SLC35D2: variants seen among roughly 807,000 people sequenced by gnomAD.
SLC35D2 encodes the protein solute carrier family 35 member D2, also known as nucleotide sugar transporter SLC35D2.
A neutral mutation model predicts 41.8 loss-of-function variants in SLC35D2; 43 were observed. That is an observed-to-expected ratio of 1.03 (90% CI 0.81 to 1.33). SLC35D2 has a LOEUF of 1.33. SLC35D2 is among the 40% of genes most tolerant of loss of function. The pLI is 0.00. For missense variants in SLC35D2, 380 were observed against 408.4 expected, an observed-to-expected ratio of 0.93 and a Z score of 0.60; for synonymous variants, 150 against 163.9, an observed-to-expected ratio of 0.92 and a Z score of 0.65.
intron 1 of SLC35D2, among the ~76,000 whole-genome samples, chr9:96,371,725 T>C (rs1830698299): frequency 8.8e-6 from 1 of 113,620 alleles, no homozygotes; most frequent in South Asian, 3.0e-4. Context: ...TTTCTTTTTT[T>C]TTTTTTTTTT....
At chr9:96,371,718 CTTTTTTTTTTTTT>C (rs774105070) in intron 1 of SLC35D2, among the ~76,000 whole-genome samples, 18 of 90,568 alleles carry the variant, frequency 2.0e-4, no homozygotes, top group African/African-American at 7.6e-4. Flanking sequence ...AACTAAATTT[CTTTTTTTTTTTTT>C]TTTTTTTTTT....
chr9:96,339,824 G>A (rs896639054), intron 8 of SLC35D2, among the ~76,000 whole-genome samples: 2 of 152,144 alleles, frequency 1.3e-5, no homozygotes, highest in Non-Finnish European at 2.9e-5. Flanking sequence ...TAGAATTGAG[G>A]CACTGTTAAT....
At chr9:96,332,310 C>T (rs937553938) in intron 9 of SLC35D2, among the ~76,000 whole-genome samples, 4 of 152,082 alleles carry the variant, frequency 2.6e-5, no homozygotes, top group African/African-American at 9.7e-5. Context: ...AGTCCAGCAC[C>T]AGTCCCCAAA....
At chr9:96,320,225 C>A (rs938290196), downstream of SLC35D2, among the ~76,000 whole-genome samples, 2 of 152,284 alleles carry the variant, frequency 1.3e-5, no homozygotes, top group East Asian at 3.9e-4. Flanking sequence ...TAAATGCTAA[C>A]AGGATTGGCC....
In SLC35D2 at chr9:96,321,185, G is replaced by A. The variant is rs770158380; in HGVS notation, c.*57C>T. The A allele has an allele frequency of 1.5e-6, 2 of 1,321,570 alleles. No homozygotes were observed. The highest frequency in any genetic ancestry group is 1.7e-5 in the Admixed American group (1 of 57,156). 81.9% of individuals were successfully genotyped at this position (1,321,570 alleles called of 1,614,324 possible). On this transcript the variant is annotated 3_prime_UTR_variant, in exon 12 of 12. Transcript: ENST00000253270. ...AAACCTCTGGCTTCACATTCCTACT[G>A]GGAATGCCCCCCCAGCCCGCAGTCA...
At chr9:96,337,037 G>A (rs1829078994) in intron 8 of SLC35D2, among the ~76,000 whole-genome samples, 1 of 152,158 alleles carries the variant, frequency 6.6e-6, no homozygotes. Flanking sequence ...TATAAGGACT[G>A]AAAGAAATTG....
chr9:96,323,591 A>G (rs1828357173), intron 10 of SLC35D2, among the ~76,000 whole-genome samples: 1 of 152,088 alleles, frequency 6.6e-6, no homozygotes, highest in Non-Finnish European at 1.5e-5. Context: ...TCTCCTTTAT[A>G]AATTAGCAAT....
chr9:96,334,677 C>T (rs552692129), intron 9 of SLC35D2, among the ~76,000 whole-genome samples: 1 of 152,196 alleles, frequency 6.6e-6, no homozygotes, highest in Non-Finnish European at 1.5e-5. Flanking sequence ...CTCACAATCA[C>T]AGGTCACCAA....
Position 96,353,504 on chromosome 9 carries a change from C to T in SLC35D2, c.348-1395G>A, listed in dbSNP as rs974149470. Among the ~76,000 whole-genome samples, 8 of 152,072 alleles carry T rather than the reference C, an allele frequency of 5.3e-5. No individual in the cohort carries two copies. The East Asian group carries it at 9.6e-4, about 18-fold the overall frequency. ...GGGTAGCTGGGATTACACTACCACGCCCAGCTAATTTTTGTATTTTTAGTA... is the reference window on the plus strand; with the variant it reads ...GGGTAGCTGGGATTACACTACCACGTCCAGCTAATTTTTGTATTTTTAGTA... On this transcript the variant is annotated intron_variant, in intron 4 of 11. Transcript: ENST00000253270.
At chr9:96,340,512 C>T (rs1047738726) in intron 8 of SLC35D2, among the ~76,000 whole-genome samples, 3 of 147,138 alleles carry the variant, frequency 2.0e-5, no homozygotes, top group Non-Finnish European at 4.5e-5. Context: ...TCCAGCTACT[C>T]AGGAGGCTGA....
Position 96,343,946 on chromosome 9 carries a change from G to C in SLC35D2, c.642C>G (p.Ile214Met). ...VLFYNACFMI[I>M]PTLIISVSTG... ...TGGAGACACTAATAATAAGAGTTGGGATAATCATGAAGCAGGCATTGTAGA... is the reference window on the plus strand; with the variant it reads ...TGGAGACACTAATAATAAGAGTTGGCATAATCATGAAGCAGGCATTGTAGA... Residue 214 changes from isoleucine to methionine, a missense_variant, in exon 8 of 12, where the codon ATC becomes ATG. By Grantham distance (10) the Ile-to-Met change is conservative. Coordinates refer to ENST00000253270, the MANE Select transcript of SLC35D2 (RefSeq NM_007001.3). 6.2e-7 allele frequency: 1 copy of C among 1,600,038 alleles called. No homozygotes were observed. Among genetic ancestry groups the C allele is most frequent in the African/African-American group, 1.4e-5 (1 of 74,034 alleles).
At chr9:96,382,005 C>A (rs1465909338) in intron 1 of SLC35D2, among the ~76,000 whole-genome samples, 1 of 152,142 alleles carries the variant, frequency 6.6e-6, no homozygotes, top group African/African-American at 2.4e-5. Context: ...ATGAACCTAC[C>A]TGTTTATTTT....
At chr9:96,322,196 G>A (rs1218923677) in intron 10 of SLC35D2, 116 bp from the exon 11 acceptor site, 6 of 662,790 alleles carry the variant, frequency 9.1e-6, no homozygotes, top group African/African-American at 1.8e-5. Context: ...CTTGTACATA[G>A]GGATATTCAC....
chr9:96,368,228 A>G (rs1236116008), intron 2 of SLC35D2, 44 bp downstream of exon 2: 2 of 1,478,606 alleles, frequency 1.4e-6, no homozygotes, highest in Non-Finnish European at 1.9e-6. Context: ...CATTATGAAT[A>G]CTGATAACAA....
chr9:96,359,664 G>A (rs1587702533), intron 4 of SLC35D2, among the ~76,000 whole-genome samples: 1 of 151,396 alleles, frequency 6.6e-6, no homozygotes, highest in East Asian at 1.9e-4. Flanking sequence ...TCCAACCTGG[G>A]AGACAGAGTG....
At chr9:96,325,853 ATC>A (rs1411394697) in intron 9 of SLC35D2, among the ~76,000 whole-genome samples, 1 of 152,170 alleles carries the variant, frequency 6.6e-6, no homozygotes, top group Non-Finnish European at 1.5e-5. Flanking sequence ...CTAGGCTCAA[ATC>A]TCTGGTGAAG....
intron 9 of SLC35D2, among the ~76,000 whole-genome samples, chr9:96,336,070 GAA>G (rs1829039217): frequency 6.9e-6 from 1 of 144,306 alleles, no homozygotes; most frequent in East Asian, 2.1e-4. Flanking sequence ...AAAAAAGAAA[GAA>G]AGAAAATTTC....
At chr9:96,366,835 A>AT (rs1053240132) in intron 2 of SLC35D2, among the ~76,000 whole-genome samples, 1 of 151,484 alleles carries the variant, frequency 6.6e-6, no homozygotes, top group African/African-American at 2.4e-5. Context: ...TATAAAGATA[A>AT]TTTTTTTACT....
intron 6 of SLC35D2, among the ~76,000 whole-genome samples, chr9:96,350,347 C>CTTTT (rs57531044): frequency 4.4e-4 from 40 of 91,012 alleles, no homozygotes; most frequent in South Asian, 7.3e-4. Context: ...ATTTTCTTTC[C>CTTTT]TTTTTTTTTT....
Sources: gnomAD v4.1 joint callset for allele counts (sites outside exome capture counted in the v4.1 genomes callset) on GRCh38, gnomAD v4.1.1 for gene constraint, MANE v1.5 for transcripts, NCBI Gene and HGNC (gene_info 2026-07-23, HGNC 2026-07-21) for gene names.